The following ZBTB20 variants were observed in gnomAD, a reference collection of about 807,000 sequenced individuals.
ZBTB20 encodes the protein zinc finger and BTB domain-containing protein 20.
A neutral mutation model predicts 56.9 loss-of-function variants in ZBTB20; 9 were observed. The ratio of observed to expected loss-of-function variants is 0.16; its 90% confidence interval spans 0.10 to 0.28. The LOEUF (loss-of-function observed/expected upper bound fraction) is 0.28, where lower values mean the gene tolerates loss of function less well. Ranked by LOEUF, ZBTB20 falls within the 10% of genes least tolerant of loss-of-function variation. The pLI is 1.00. For missense variants in ZBTB20, 655 were observed against 1,003.0 expected (o/e 0.65, Z 4.69); for synonymous variants, 417 against 420.7 (o/e 0.99, Z 0.11).
At chr3:115,101,359 A>G (rs1165501562) in intron 1 of ZBTB20, among the ~76,000 whole-genome samples, 3 of 152,168 alleles carry the variant, frequency 2.0e-5, no homozygotes, top group East Asian at 3.8e-4. Flanking sequence ...GATTTTTTCT[A>G]TATTCTAGTT....
In ZBTB20 at chr3:114,941,136, C is replaced by T. The variant is rs566133506; in HGVS notation, c.-456+33230G>A. On this transcript the variant is annotated intron_variant, in intron 3 of 11. Coordinates refer to ENST00000675478, the MANE Select transcript of ZBTB20 (RefSeq NM_001348800.3). ...GAGAAAAGTTTCATCAAAACTGTTTCATGCATCTGTGCAGGGCTAAAGTCA... is the reference window on the plus strand; with the variant it reads ...GAGAAAAGTTTCATCAAAACTGTTTTATGCATCTGTGCAGGGCTAAAGTCA... Among the ~76,000 whole-genome samples, 74 of 146,654 alleles carry T rather than the reference C, an allele frequency of 5.0e-4. 6 individuals are homozygous for T. In the South Asian group the frequency reaches 0.015, roughly 30 times the overall value.
At chr3:114,893,306 T>C (rs946852382) in intron 4 of ZBTB20, among the ~76,000 whole-genome samples, 1 of 152,134 alleles carries the variant, frequency 6.6e-6, no homozygotes, top group Admixed American at 6.5e-5. Context: ...AATGGGCAGC[T>C]CTCCAGCTAA....
chr3:114,428,989 C>CAT (rs61250930), intron 7 of ZBTB20, among the ~76,000 whole-genome samples: 1 of 151,524 alleles, frequency 6.6e-6, no homozygotes, highest in African/African-American at 2.4e-5. Context: ...AACAATTATA[C>CAT]ATATATATAC....
intron 1 of ZBTB20, among the ~76,000 whole-genome samples, chr3:115,136,076 A>G (rs938440788): frequency 6.6e-6 from 1 of 152,100 alleles, no homozygotes; most frequent in Admixed American, 6.6e-5. Flanking sequence ...TCAACACAAT[A>G]TCCTGAATTG....
chr3:114,995,174 G>A (rs1438805291), intron 2 of ZBTB20, among the ~76,000 whole-genome samples: 2 of 151,810 alleles, frequency 1.3e-5, no homozygotes, highest in African/African-American at 4.8e-5. Context: ...GACAAAAGGT[G>A]GAACTGTAAA....
intron 6 of ZBTB20, among the ~76,000 whole-genome samples, chr3:114,671,670 A>C (rs2061368549): frequency 6.6e-6 from 1 of 152,068 alleles, no homozygotes; most frequent in Non-Finnish European, 1.5e-5. Flanking sequence ...GTGACTGGGA[A>C]TAACCAGAGT....
chr3:114,655,317 ATC>A (rs554966039), intron 6 of ZBTB20, among the ~76,000 whole-genome samples: 2 of 134,580 alleles, frequency 1.5e-5, no homozygotes, highest in East Asian at 4.3e-4. Flanking sequence ...CAGTGGCGCA[ATC>A]TCGGCTCACT....
In ZBTB20 at chr3:114,949,350, C is replaced by T. The variant is rs887111819; in HGVS notation, c.-456+25016G>A. ...GATAACAAAGGAAATGTCTTTATGA[C>T]ATTAAGGTAGGCAAAAGCTTTTCCA... On this transcript the variant is annotated intron_variant, in intron 3 of 11. Coordinates refer to ENST00000675478, the MANE Select transcript of ZBTB20 (RefSeq NM_001348800.3). Among the ~76,000 whole-genome samples, 14 of 146,530 alleles carry T rather than the reference C, an allele frequency of 9.6e-5. 2 individuals are homozygous for T. The highest frequency in any genetic ancestry group is 7.7e-4 in the East Asian group (4 of 5,186).
intron 5 of ZBTB20, among the ~76,000 whole-genome samples, chr3:114,706,115 A>C (rs2063703874): frequency 6.6e-6 from 1 of 152,066 alleles, no homozygotes; most frequent in Non-Finnish European, 1.5e-5. Flanking sequence ...GACAGACTTG[A>C]GTTTGAATCC....
At chr3:114,773,945 C>T (rs1231352504) in intron 5 of ZBTB20, among the ~76,000 whole-genome samples, 1 of 152,112 alleles carries the variant, frequency 6.6e-6, no homozygotes, top group Non-Finnish European at 1.5e-5. Flanking sequence ...CTTTCTTACT[C>T]ATATTTTTTA....
chr3:114,341,436 A>G (rs2733409), intron 11 of ZBTB20, among the ~76,000 whole-genome samples: 57,896 of 152,072 alleles, frequency 0.38, 12,005 homozygotes, highest in Non-Finnish European at 0.47. Context: ...CATTTAAAAC[A>G]TGTCCACCTG....
chr3:114,673,796 G>A (rs1203591948), intron 6 of ZBTB20, among the ~76,000 whole-genome samples: 2 of 152,140 alleles, frequency 1.3e-5, no homozygotes, highest in Non-Finnish European at 2.9e-5. Flanking sequence ...ACTTGACTAT[G>A]CTTTTGCTTA....
At chr3:114,693,908 A>C (rs958320375) in intron 5 of ZBTB20, among the ~76,000 whole-genome samples, 1 of 152,148 alleles carries the variant, frequency 6.6e-6, no homozygotes, top group Non-Finnish European at 1.5e-5. Context: ...GTTTAAAAAA[A>C]TAAATCAAAC....
chr3:114,526,525 T>C (rs1171603384), intron 6 of ZBTB20, among the ~76,000 whole-genome samples: 3 of 152,044 alleles, frequency 2.0e-5, no homozygotes, highest in Non-Finnish European at 4.4e-5. Flanking sequence ...AAATAATAAA[T>C]AATAATAATA....
chr3:114,731,030 G>C (rs1377673359), intron 5 of ZBTB20, among the ~76,000 whole-genome samples: 1 of 152,136 alleles, frequency 6.6e-6, no homozygotes, highest in Non-Finnish European at 1.5e-5. Flanking sequence ...CTGCTACAAA[G>C]TTAGTGTTTC....
At chr3:115,122,847 A>G (rs962779375) in intron 1 of ZBTB20, among the ~76,000 whole-genome samples, 1 of 152,052 alleles carries the variant, frequency 6.6e-6, no homozygotes, top group African/African-American at 2.4e-5. Flanking sequence ...TGACATAGCT[A>G]TATCATTTAC....
chr3:114,525,514 A>G (rs1272440650), intron 6 of ZBTB20, among the ~76,000 whole-genome samples: 1 of 152,092 alleles, frequency 6.6e-6, no homozygotes, highest in Admixed American at 6.5e-5. Flanking sequence ...GTCCCAGCTT[A>G]GGTCTTACTT....
intron 7 of ZBTB20, among the ~76,000 whole-genome samples, chr3:114,451,296 T>C (rs1039564635): frequency 1.3e-5 from 2 of 152,082 alleles, no homozygotes; most frequent in Admixed American, 6.6e-5. Context: ...CTTTTATTTC[T>C]CTCTCAACTC....
intron 5 of ZBTB20, among the ~76,000 whole-genome samples, chr3:114,762,619 T>G (rs1376822854): frequency 6.6e-6 from 1 of 152,166 alleles, no homozygotes; most frequent in East Asian, 1.9e-4. Flanking sequence ...TGGTGTTTAT[T>G]CTATGGATAT....
Sources: gnomAD v4.1 joint callset for allele counts (sites outside exome capture counted in the v4.1 genomes callset) on GRCh38, gnomAD v4.1.1 for gene constraint, MANE v1.5 for transcripts, NCBI Gene and HGNC (gene_info 2026-07-23, HGNC 2026-07-21) for gene names.